Variants in BICRAL observed in about 807,000 individuals in gnomAD.
The protein encoded by BICRAL is BICRA like chromatin remodeling complex associated protein, also known as BRD4-interacting chromatin-remodeling complex-associated protein-like.
Under a neutral mutation model 91.8 loss-of-function variants are expected in BICRAL, and 8 were observed. The ratio of observed to expected loss-of-function variants is 0.09; its 90% CI spans 0.05 to 0.16. The LOEUF is 0.16. BICRAL is among the 10% of genes least tolerant of loss of function. The pLI is 1.00. For missense variants in BICRAL, 1,038 were observed against 1,310.9 expected (o/e 0.79, Z 3.21); for synonymous variants, 445 against 491.1 (o/e 0.91, Z 1.24).
Position 42,831,385 on chromosome 6 carries a change from G to A in BICRAL, c.1839+1213G>A, listed in dbSNP as rs118128591. On this transcript the variant is annotated intron_variant, in intron 6 of 12. Coordinates refer to ENST00000314073, the MANE Select transcript of BICRAL (RefSeq NM_001393499.1). ...AGGGAAGCACATAAAGGGAGAGATC[G>A]AGGCACTCTCATTTGACCAAGTACC... Among the ~76,000 whole-genome samples, 65 of 152,278 alleles carry A rather than the reference G, an allele frequency of 4.3e-4. No individual in the cohort carries two copies. In the East Asian group the frequency reaches 0.012, roughly 27 times the overall value.
At chr6:42,806,782 T>C (rs2113908736) in intron 1 of BICRAL, among the ~76,000 whole-genome samples, 1 of 152,136 alleles carries the variant, frequency 6.6e-6, no homozygotes, top group Middle Eastern at 3.4e-3. Flanking sequence ...CCCAAAGTGC[T>C]AGGATTACAA....
At chr6:42,855,659 C>T (rs1451989131) in intron 8 of BICRAL, among the ~76,000 whole-genome samples, 197 bp from the exon 9 acceptor site, 1 of 151,506 alleles carries the variant, frequency 6.6e-6, no homozygotes, top group African/African-American at 2.4e-5. Flanking sequence ...TTTCTGTAAT[C>T]TTAACACAGT....
upstream of BICRAL, among the ~76,000 whole-genome samples, chr6:42,780,973 G>A (rs1401038042): frequency 6.6e-6 from 1 of 152,066 alleles, no homozygotes; most frequent in Non-Finnish European, 1.5e-5. Context: ...CTGACCTCAG[G>A]TGATCCACTC....
At chr6:42,802,362 G>A (rs960337088) in intron 1 of BICRAL, among the ~76,000 whole-genome samples, 2 of 152,038 alleles carry the variant, frequency 1.3e-5, no homozygotes, top group African/African-American at 4.8e-5. Flanking sequence ...TATTCAGATA[G>A]TTTGTCTTTA....
intron 6 of BICRAL, among the ~76,000 whole-genome samples, chr6:42,832,876 A>ATGC (rs1458991033): frequency 6.6e-6 from 1 of 152,136 alleles, no homozygotes; most frequent in East Asian, 1.9e-4. Context: ...AGTAATGAAC[A>ATGC]TTAAGAAATC....
At chr6:42,850,844 G>A (rs1365275406) in intron 6 of BICRAL, among the ~76,000 whole-genome samples, 1 of 151,952 alleles carries the variant, frequency 6.6e-6, no homozygotes, top group East Asian at 1.9e-4. Context: ...ACTCCAGCCT[G>A]GTGACGGAGT....
chr6:42,828,722 T>G lies in BICRAL; in HGVS notation c.389T>G (p.Ile130Arg), dbSNP rs769001769. The change falls in exon 6 of 13, where the codon ATA becomes AGA. Residue 130 changes from isoleucine (I) to arginine (R), a missense_variant. By Grantham distance (97) the Ile-to-Arg change is moderately conservative. Transcript: ENST00000314073. Reference sequence around the variant, plus strand: ...GAAGAGGCATATTTGGATGCCAGTATAGGTTCAAGCCAACAGTTTGCACAA... The same window carrying G: ...GAAGAGGCATATTTGGATGCCAGTAGAGGTTCAAGCCAACAGTTTGCACAA... Reference protein sequence around the residue: ...LAEEAYLDASIGSSQQFAQAQ... With the variant: ...LAEEAYLDASRGSSQQFAQAQ... 2 of 1,614,196 alleles carry G rather than the reference T, an allele frequency of 1.2e-6. No homozygotes were observed. The highest frequency in any genetic ancestry group is 1.7e-6 in the Non-Finnish European group (2 of 1,180,034).
intron 1 of BICRAL, among the ~76,000 whole-genome samples, chr6:42,798,228 TA>T (rs1379081808): frequency 6.6e-6 from 1 of 152,056 alleles, no homozygotes; most frequent in Non-Finnish European, 1.5e-5. Context: ...GAAAATTACC[TA>T]TTGGGTACAG....
Position 42,793,122 on chromosome 6 carries a change from A to ATTTTTTT in BICRAL, c.-102+11054_-102+11060dup, listed in dbSNP as rs1159342197. Among the ~76,000 whole-genome samples, 12 of 37,254 alleles carry ATTTTTTT rather than the reference A, an allele frequency of 3.2e-4. 3 individuals carry two copies. The highest frequency in any genetic ancestry group is 1.7e-3 in the East Asian group (2 of 1,210). The allele number at this position is 37,254 out of a possible 152,430, so 24.4% of individuals were successfully genotyped here. ...AAGCGCATGCCACCATGCCCAGCTAATTTTTTTTTTTTTTTTTTTTTTTTT... is the reference window on the plus strand; with the variant it reads ...AAGCGCATGCCACCATGCCCAGCTAATTTTTTTTTTTTTTTTTTTTTTTTTTTTTTTT... On this transcript the variant is annotated intron_variant, in intron 1 of 12. Coordinates refer to ENST00000314073, the MANE Select transcript of BICRAL (RefSeq NM_001393499.1).
intron 1 of BICRAL, among the ~76,000 whole-genome samples, chr6:42,804,117 G>T (rs1387366210): frequency 6.6e-6 from 1 of 152,170 alleles, no homozygotes; most frequent in Non-Finnish European, 1.5e-5. Context: ...CTGCCTCCCG[G>T]GTTCAAGCGA....
At chr6:42,782,560 T>G (rs1196983556) in intron 1 of BICRAL, among the ~76,000 whole-genome samples, 1 of 147,334 alleles carries the variant, frequency 6.8e-6, no homozygotes, top group Non-Finnish European at 1.5e-5. Flanking sequence ...CCTTTCTTTT[T>G]CCTTTTTTTT....
intron 8 of BICRAL, among the ~76,000 whole-genome samples, chr6:42,854,694 A>AT (rs371769111): frequency 1.0e-4 from 15 of 150,260 alleles, no homozygotes; most frequent in East Asian, 2.0e-4. Context: ...ATATTTTTAT[A>AT]TTTTTTTTAA....
At chr6:42,773,394 AT>A (rs1032409589) in intron 1 of BICRAL, among the ~76,000 whole-genome samples, 1 of 151,974 alleles carries the variant, frequency 6.6e-6, no homozygotes, top group African/African-American at 2.4e-5. Flanking sequence ...AAAAAAAAAA[AT>A]TAAAAAAATA....
chr6:42,770,261 C>T (rs1184396802), intron 1 of BICRAL, among the ~76,000 whole-genome samples: 2 of 152,076 alleles, frequency 1.3e-5, no homozygotes, highest in Non-Finnish European at 2.9e-5. Context: ...CAGGGTCTTG[C>T]TCTGTCACCC....
intron 1 of BICRAL, among the ~76,000 whole-genome samples, chr6:42,774,372 A>G (rs756421491): frequency 6.6e-6 from 1 of 152,204 alleles, no homozygotes; most frequent in Non-Finnish European, 1.5e-5. Flanking sequence ...GAGACTAGAG[A>G]GGAAGAGCAA....
intron 1 of BICRAL, among the ~76,000 whole-genome samples, chr6:42,805,828 C>T (rs1466884749): frequency 6.6e-6 from 1 of 151,942 alleles, no homozygotes; most frequent in Non-Finnish European, 1.5e-5. Flanking sequence ...GATGAAACCC[C>T]GTCTCTACTA....
At chr6:42,832,579 G>A (rs576147471) in intron 6 of BICRAL, among the ~76,000 whole-genome samples, 3 of 62,726 alleles carry the variant, frequency 4.8e-5, no homozygotes, top group African/African-American at 2.2e-4. Context: ...TCAAAGGGGC[G>A]TGTGTGTGTG....
At chr6:42,813,317 G>T (rs185527723) in intron 2 of BICRAL, among the ~76,000 whole-genome samples, 196 of 151,918 alleles carry the variant, frequency 1.3e-3, no homozygotes, top group African/African-American at 4.3e-3. Context: ...CAGTGGTAAA[G>T]AGAAAAATAT....
Position 42,864,848 on chromosome 6 carries a change from T to G in BICRAL, c.2642T>G (p.Val881Gly). 6.2e-7 allele frequency: 1 copy of G among 1,614,120 alleles called. No individual in the cohort carries two copies. Among genetic ancestry groups the G allele is most frequent in the Non-Finnish European group, 8.5e-7 (1 of 1,180,026 alleles). The change falls in exon 13 of 13, where the codon GTG (valine) becomes GGG (glycine). Residue 881 changes from valine to glycine, a missense_variant. This residue lies in a region of BICRAL where 294 missense variants were observed against 292.6 expected (regional missense o/e 1.00). Coordinates refer to ENST00000314073, the MANE Select transcript of BICRAL (RefSeq NM_001393499.1). ...EPMNHDQFHL[V>G]PNHIVVSAEG... ...ATGAATCATGACCAGTTTCATCTAG[T>G]GCCTAATCACATCGTGGTCTCTGCA...
Sources: gnomAD v4.1 joint callset for allele counts (sites outside exome capture counted in the v4.1 genomes callset) on GRCh38, gnomAD v4.1.1 for gene constraint, gnomAD v4.1.1 regional missense constraint, MANE v1.5 for transcripts, NCBI Gene and HGNC (gene_info 2026-07-23, HGNC 2026-07-21) for gene names.